EXOC2: variants seen among roughly 807,000 people sequenced by gnomAD.
The protein encoded by EXOC2 is SEC5-like 1.
EXOC2 carries 70 observed loss-of-function variants against 131.8 expected under a neutral mutation model. That is an observed-to-expected ratio of 0.53 (90% CI 0.44 to 0.65). The LOEUF is 0.65. Ranked by LOEUF, EXOC2 falls within the 30% of genes least tolerant of loss-of-function variation. The pLI is 0.00. For synonymous variants in EXOC2, 411 were observed against 398.4 expected (o/e 1.03, Z -0.38); for missense variants, 923 against 1,108.6 (o/e 0.83, Z 2.38).
chr6:616,527 C>T (rs1011157220), intron 6 of EXOC2, among the ~76,000 whole-genome samples: 5 of 130,648 alleles, frequency 3.8e-5, no homozygotes, highest in African/African-American at 1.1e-4. Context: ...GGCGTGAACC[C>T]GGGAGGCGGA....
At chr6:557,461 T>C (rs922647042) in intron 17 of EXOC2, among the ~76,000 whole-genome samples, 2 of 151,094 alleles carry the variant, frequency 1.3e-5, no homozygotes, top group Non-Finnish European at 1.5e-5. Flanking sequence ...CTACTAAAAA[T>C]ACAAAAATTA....
chr6:495,363 AT>A (rs1763665998), intron 25 of EXOC2, among the ~76,000 whole-genome samples: 1 of 151,988 alleles, frequency 6.6e-6, no homozygotes, highest in Non-Finnish European at 1.5e-5. Flanking sequence ...TGACCTCGTG[AT>A]CCGCCCGCCT....
chr6:503,191 G>C (rs1435951617), intron 23 of EXOC2, among the ~76,000 whole-genome samples: 1 of 151,550 alleles, frequency 6.6e-6, no homozygotes, highest in Non-Finnish European at 1.5e-5. Context: ...TTACCGATTG[G>C]GCTGAAATTG....
intron 1 of EXOC2, among the ~76,000 whole-genome samples, chr6:651,987 C>T (rs563815162): frequency 6.0e-4 from 90 of 149,956 alleles, no homozygotes; most frequent in Non-Finnish European, 8.7e-4. Flanking sequence ...ACCCGGGAGG[C>T]GAAGGTTGCA....
At chr6:532,733 C>T (rs891730662) in intron 22 of EXOC2, 123 bp from the exon 23 acceptor site, 8 of 962,236 alleles carry the variant, frequency 8.3e-6, no homozygotes, top group African/African-American at 1.7e-5. Context: ...TACAAAAACT[C>T]GTGACTTTTA....
At chr6:654,827 A>G (rs1762994588) in intron 1 of EXOC2, among the ~76,000 whole-genome samples, 1 of 143,478 alleles carries the variant, frequency 7.0e-6, no homozygotes. Flanking sequence ...AAAAAAAAAA[A>G]AAAAAAAAAA....
chr6:499,776 C>T, intron 23 of EXOC2, 76 bp from the exon 24 acceptor site: 1 of 1,215,410 alleles, frequency 8.2e-7, no homozygotes, highest in Non-Finnish European at 1.2e-6. Context: ...CAGGCTGTAC[C>T]CCATGCTTTA....
chr6:531,746 C>G (rs978640137), intron 23 of EXOC2, among the ~76,000 whole-genome samples: 1 of 152,192 alleles, frequency 6.6e-6, no homozygotes, highest in African/African-American at 2.4e-5. Flanking sequence ...CCATGAAGAA[C>G]CCGTGTCCGA....
At position 599,384 on chromosome 6, in the gene EXOC2, A is replaced by C. The variant is rs186373279; in HGVS notation, c.743-159T>G. The stretch of plus-strand genomic sequence containing the variant: ...AGGGGATCTTTTATGGTTTGCTAAA[A>C]TAAAATTTCCATTTTGCCTAAGTCT... On this transcript the variant is annotated intron_variant, in intron 7 of 27. Coordinates refer to ENST00000230449, the MANE Select transcript of EXOC2 (RefSeq NM_018303.6). 2.1e-4 allele frequency among the ~76,000 whole-genome samples: 32 copies of C among 152,358 alleles called. 1 individual carries two copies. In the East Asian group the frequency reaches 5.2e-3, roughly 25 times the overall value.
At chr6:642,440 C>T (rs1053265496) in intron 1 of EXOC2, among the ~76,000 whole-genome samples, 1 of 152,162 alleles carries the variant, frequency 6.6e-6, no homozygotes, top group African/African-American at 2.4e-5. Flanking sequence ...AAACTTCACA[C>T]ACACCTGGTA....
At chr6:542,905 C>T (rs1453437406) in intron 22 of EXOC2, among the ~76,000 whole-genome samples, 4 of 152,272 alleles carry the variant, frequency 2.6e-5, no homozygotes, top group South Asian at 2.1e-4. Context: ...CGCCAGCCTA[C>T]GGAGCTTAGC....
chr6:575,269 C>A lies in EXOC2; in HGVS notation c.1318+1488G>T, dbSNP rs572324188. On this transcript the variant is annotated intron_variant, in intron 12 of 27. Transcript: ENST00000230449. ...ATTTCTATTACATTAGGATTAGAGACGAGTTGTTTAGAAATAATTCCAAGA... is the reference window on the plus strand; with the variant it reads ...ATTTCTATTACATTAGGATTAGAGAAGAGTTGTTTAGAAATAATTCCAAGA... 2.8e-3 allele frequency among the ~76,000 whole-genome samples: 424 copies of A among 152,260 alleles called. 2 individuals carry two copies. The highest frequency in any genetic ancestry group is 4.6e-3 in the Non-Finnish European group (310 of 68,018).
chr6:617,934 G>T, intron 5 of EXOC2, 99 bp from the exon 6 acceptor site: 1 of 1,357,734 alleles, frequency 7.4e-7, no homozygotes, highest in Non-Finnish European at 9.9e-7. Flanking sequence ...TAAAACCGAT[G>T]CTAAGTAGCA....
chr6:678,673 T>C (rs1368985408), intron 1 of EXOC2, among the ~76,000 whole-genome samples: 2 of 152,192 alleles, frequency 1.3e-5, no homozygotes, highest in South Asian at 2.1e-4. Flanking sequence ...ACAATCGTGA[T>C]TACCTCCCAG....
chr6:615,176 G>GGTGGGT (rs1554137925), intron 6 of EXOC2, among the ~76,000 whole-genome samples: 30 of 103,784 alleles, frequency 2.9e-4, no homozygotes, highest in African/African-American at 9.5e-4. Flanking sequence ...AGTATATGTG[G>GGTGGGT]GTGTGGGTGT....
chr6:656,288 T>C (rs1218861345), intron 1 of EXOC2: 1 of 1,614,090 alleles, frequency 6.2e-7, no homozygotes, highest in Non-Finnish European at 8.5e-7. Flanking sequence ...GGTCTCTGTT[T>C]TCAGGCACAC....
chr6:595,651 A>C (rs1759772329), intron 10 of EXOC2, among the ~76,000 whole-genome samples: 1 of 152,022 alleles, frequency 6.6e-6, no homozygotes, highest in Admixed American at 6.5e-5. Flanking sequence ...CCACAACATA[A>C]AGAATTTGTA....
chr6:556,409 T>C, intron 18 of EXOC2, 75 bp downstream of exon 18: 2 of 1,444,928 alleles, frequency 1.4e-6, no homozygotes, highest in Non-Finnish European at 1.9e-6. Context: ...TGCAGTACGA[T>C]GAGTCAAAAA....
chr6:502,006 C>T (rs1244157341), intron 23 of EXOC2, among the ~76,000 whole-genome samples: 1 of 152,136 alleles, frequency 6.6e-6, no homozygotes, highest in East Asian at 1.9e-4. Flanking sequence ...CCCCAGACTG[C>T]TCCCGCTGCT....
Sources: gnomAD v4.1 joint callset for allele counts (sites outside exome capture counted in the v4.1 genomes callset) on GRCh38, gnomAD v4.1.1 for gene constraint, MANE v1.5 for transcripts, NCBI Gene and HGNC (gene_info 2026-07-23, HGNC 2026-07-21) for gene names.